Variants in RELN observed in about 807,000 individuals in gnomAD.
RELN encodes reelin.
A neutral mutation model predicts 427.6 loss-of-function variants in RELN; 108 were observed. The observed-to-expected ratio is 0.25, with a 90% CI of 0.22 to 0.30. RELN has a LOEUF of 0.30. RELN is among the 10% of genes least tolerant of loss of function. The pLI is 1.00. For synonymous variants in RELN, 1,524 were observed against 1,513.4 expected (o/e 1.01, Z -0.16); for missense variants, 3,715 against 4,302.8 (o/e 0.86, Z 3.82).
At chr7:103,969,760 T>C (rs1187514312) in intron 1 of RELN, among the ~76,000 whole-genome samples, 1 of 152,200 alleles carries the variant, frequency 6.6e-6, no homozygotes, top group Non-Finnish European at 1.5e-5. Flanking sequence ...CATACAACAA[T>C]AGCAGCCAAT....
chr7:103,566,158 G>T, intron 33 of RELN, 66 bp downstream of exon 33: 2 of 1,402,424 alleles, frequency 1.4e-6, no homozygotes, highest in South Asian at 2.3e-5. Flanking sequence ...GTTTTCTCCT[G>T]ACTTTTAGTT....
intron 2 of RELN, among the ~76,000 whole-genome samples, chr7:103,845,067 T>C (rs1342611444): frequency 3.3e-5 from 5 of 152,184 alleles, no homozygotes; most frequent in African/African-American, 9.7e-5. Flanking sequence ...GAATTATCCA[T>C]AGCAATGTTT....
At position 103,728,470 on chromosome 7, in the gene RELN, G is replaced by A. The variant is rs1383242524; in HGVS notation, c.657-263C>T. On this transcript the variant is annotated intron_variant, in intron 6 of 64. Transcript: ENST00000428762. ...GTTTCAGTTTCCTCACCTGTAAAAC[G>A]AGGCTAACCATACTGATCTAAATCT... Among the ~76,000 whole-genome samples, 9 of 152,156 alleles carry A rather than the reference G, an allele frequency of 5.9e-5. No homozygotes were observed. In the South Asian group the frequency reaches 1.0e-3, roughly 18 times the overall value.
At chr7:103,513,410 G>A (rs1405668664) in intron 50 of RELN, 1 of 152,068 alleles carries the variant, frequency 6.6e-6, no homozygotes, top group Non-Finnish European at 1.5e-5. Flanking sequence ...TCATATGGAA[G>A]CAGTGTTTAA....
chr7:103,574,330 C>T, intron 29 of RELN, 31 bp from the exon 30 acceptor site: 1 of 1,584,218 alleles, frequency 6.3e-7, no homozygotes, highest in Non-Finnish European at 8.7e-7. Context: ...AGGAGAGATG[C>T]TTTGTTGGAA....
chr7:103,639,399 T>C (rs1261343955), intron 17 of RELN, among the ~76,000 whole-genome samples: 2 of 150,166 alleles, frequency 1.3e-5, no homozygotes, highest in Non-Finnish European at 3.0e-5. Flanking sequence ...TTTCTTTTTC[T>C]CTCTTTTTTT....
chr7:103,867,811 G>T (rs1325226304), intron 2 of RELN, among the ~76,000 whole-genome samples: 1 of 151,598 alleles, frequency 6.6e-6, no homozygotes, highest in South Asian at 2.1e-4. Flanking sequence ...TAGTAAGAGA[G>T]AAAAAAAATG....
At chr7:103,833,765 T>C (rs1793331461) in intron 2 of RELN, 93 bp from the exon 3 acceptor site, 3 of 1,290,296 alleles carry the variant, frequency 2.3e-6, no homozygotes, top group Admixed American at 2.0e-5. Flanking sequence ...TTTTCTTTCA[T>C]GTTAAGGTTC....
chr7:103,942,077 T>C (rs1796126496), intron 1 of RELN, among the ~76,000 whole-genome samples: 1 of 152,190 alleles, frequency 6.6e-6, no homozygotes, highest in Non-Finnish European at 1.5e-5. Context: ...AAAAACTAAA[T>C]TTGTGCCTAT....
In RELN at chr7:103,947,885, A is replaced by T. The variant is rs192292428; in HGVS notation, c.227-30700T>A. On this transcript the variant is annotated intron_variant, in intron 1 of 64. Coordinates refer to ENST00000428762, the MANE Select transcript of RELN (RefSeq NM_005045.4). The stretch of plus-strand genomic sequence containing the variant: ...GTTGCAATGGCATTTGTTCCTCTGA[A>T]ATTTCTAACTTTTTCACATTGATAT... Among the ~76,000 whole-genome samples the T allele has an allele frequency of 2.6e-5, 4 of 152,280 alleles. No homozygotes were observed. The East Asian group carries it at 7.7e-4, about 29-fold the overall frequency.
At chr7:103,708,254 C>T (rs1406302838) in intron 8 of RELN, among the ~76,000 whole-genome samples, 1 of 152,050 alleles carries the variant, frequency 6.6e-6, no homozygotes, top group African/African-American at 2.4e-5. Flanking sequence ...TTAAAAGTAT[C>T]TCTTATGTTA....
chr7:103,977,254 T>C (rs1413871038), intron 1 of RELN, among the ~76,000 whole-genome samples: 3 of 138,664 alleles, frequency 2.2e-5, no homozygotes, highest in Non-Finnish European at 4.5e-5. Flanking sequence ...GAGGTTGCAG[T>C]GAGCCGAGAT....
intron 46 of RELN, among the ~76,000 whole-genome samples, chr7:103,525,357 T>A (rs961394557): frequency 1.5e-4 from 23 of 152,198 alleles, no homozygotes; most frequent in African/African-American, 5.3e-4. Context: ...GTCTCTTCCT[T>A]GAATGGTAAG....
At position 103,590,150 on chromosome 7, in the gene RELN, C is replaced by G. The variant is rs362659; in HGVS notation, c.3913-322G>C. On this transcript the variant is annotated intron_variant, in intron 27 of 64. Coordinates refer to ENST00000428762, the MANE Select transcript of RELN (RefSeq NM_005045.4). Reference sequence around the variant, plus strand: ...GCCAAGAAGCTGCTTTTTTCTCCCTCCTCAGAGGGTACAGACAGAGGAAAC... The same window carrying G: ...GCCAAGAAGCTGCTTTTTTCTCCCTGCTCAGAGGGTACAGACAGAGGAAAC... 0.11 allele frequency among the ~76,000 whole-genome samples: 16,577 copies of G among 152,182 alleles called. 968 individuals are homozygous for G. The highest frequency in any genetic ancestry group is 0.18 in the South Asian group (880 of 4,816).
At chr7:103,634,372 C>G (rs1030666571) in intron 19 of RELN, among the ~76,000 whole-genome samples, 2 of 152,076 alleles carry the variant, frequency 1.3e-5, no homozygotes, top group Admixed American at 6.6e-5. Flanking sequence ...TTAAGCTTTC[C>G]CCATCCTCCT....
At chr7:103,574,913 G>A (rs998258169) in intron 29 of RELN, among the ~76,000 whole-genome samples, 1 of 152,184 alleles carries the variant, frequency 6.6e-6, no homozygotes, top group Non-Finnish European at 1.5e-5. Flanking sequence ...ACATCCAAAG[G>A]TCACTGTGCT....
rs1832679753 is a variant in RELN at position 103,640,737 on chromosome 7, T to C, written c.2003-128A>G. The C allele has an allele frequency of 1.2e-6, 1 of 863,200 alleles. No individual in the cohort carries two copies. The highest frequency in any genetic ancestry group is 2.0e-5 in the Admixed American group (1 of 50,094). The allele number at this position is 863,200 out of a possible 1,614,324, so 53.5% of individuals were successfully genotyped here. A position where few individuals can be genotyped will look rare whatever the true frequency, so the allele number is the denominator to read the frequency against. ...GTGTGCAGGAACCCAGGGTGACATA[T>C]GGAATGCTGTGTAATAAGGTAAGTG... On this transcript the variant is annotated intron_variant, in intron 16 of 64. Coordinates refer to ENST00000428762, the MANE Select transcript of RELN (RefSeq NM_005045.4). This position sits in a 1 kb window ranked among gnomAD's most constrained non-coding sequence, Gnocchi z 4.1.
chr7:103,871,821 G>A (rs1470138692), intron 2 of RELN, among the ~76,000 whole-genome samples: 3 of 151,892 alleles, frequency 2.0e-5, no homozygotes, highest in South Asian at 2.1e-4. Flanking sequence ...TGGAAGAGAG[G>A]GCAATCCTTG....
chr7:103,615,820 A>C (rs1258617622), intron 20 of RELN, among the ~76,000 whole-genome samples: 1 of 152,222 alleles, frequency 6.6e-6, no homozygotes, highest in Admixed American at 6.5e-5. Context: ...TAACAAAACT[A>C]TAGTTACTTA....
Sources: gnomAD v4.1 joint callset for allele counts (sites outside exome capture counted in the v4.1 genomes callset) on GRCh38, gnomAD v4.1.1 for gene constraint, Gnocchi (gnomAD v3.1) non-coding constraint, MANE v1.5 for transcripts, NCBI Gene and HGNC (gene_info 2026-07-23, HGNC 2026-07-21) for gene names.